The following PRTFDC1 variants were observed in gnomAD, a reference collection of about 807,000 sequenced individuals.
The protein encoded by PRTFDC1 is phosphoribosyl transferase domain containing 1, also known as phosphoribosyltransferase domain-containing protein 1.
A neutral mutation model predicts 34.6 loss-of-function variants in PRTFDC1; 38 were observed. That is an observed-to-expected ratio of 1.10 (90% CI 0.85 to 1.44). The LOEUF (loss-of-function observed/expected upper bound fraction) is 1.44. PRTFDC1 is among the 40% of genes most tolerant of loss of function. PRTFDC1 has a pLI of 0.00. For synonymous variants in PRTFDC1, 93 were observed against 98.1 expected, an observed-to-expected ratio of 0.95 and a Z score of 0.31; for missense variants, 270 against 283.0, an observed-to-expected ratio of 0.95 and a Z score of 0.33.
At chr10:24,942,536 T>C in intron 1 of PRTFDC1, 100 bp from the exon 2 acceptor site, 10 of 984,702 alleles carry the variant, frequency 1.0e-5, no homozygotes, top group Non-Finnish European at 1.6e-5. Flanking sequence ...CCTCAACTTA[T>C]GAAAAGTTTA....
chr10:24,937,473 T>C, intron 2 of PRTFDC1, 106 bp from the exon 3 acceptor site: 2 of 1,050,504 alleles, frequency 1.9e-6, no homozygotes, highest in Non-Finnish European at 2.6e-6. Flanking sequence ...CTCAGAGGAA[T>C]GTGGGGAAAA....
chr10:24,942,329 C>A lies in PRTFDC1; in HGVS notation c.155+1G>T. 6.2e-7 allele frequency: 1 copy of A among 1,605,268 alleles called. No homozygotes were observed. On this transcript the variant is annotated splice_donor_variant, in intron 2 of 8. Coordinates refer to ENST00000320152, the MANE Select transcript of PRTFDC1 (RefSeq NM_020200.7). LOFTEE classifies it high-confidence loss of function. ...AGATTGACACAGGAAATCACACTCA[C>A]CTGTCCACAATGATACCATGAGGGA... is the stretch of plus-strand genomic sequence containing the variant.
chr10:24,893,039 A>G (rs16925138), intron 3 of PRTFDC1, among the ~76,000 whole-genome samples: 12,154 of 152,248 alleles, frequency 0.08, 540 homozygotes, highest in Middle Eastern at 0.2. Flanking sequence ...CTCATACAGT[A>G]TCAGTCTTTG....
At chr10:24,943,172 G>T (rs1401615028) in intron 1 of PRTFDC1, among the ~76,000 whole-genome samples, 1 of 141,384 alleles carries the variant, frequency 7.1e-6, no homozygotes, top group Non-Finnish European at 1.6e-5. Flanking sequence ...CATTGTAAGT[G>T]CCTCATCTGC....
chr10:24,936,682 T>C (rs1385169208), intron 3 of PRTFDC1, among the ~76,000 whole-genome samples: 5 of 152,200 alleles, frequency 3.3e-5, no homozygotes, highest in African/African-American at 1.2e-4. Context: ...GGCCTTCTGC[T>C]GGAGCTCCCT....
chr10:24,924,634 A>AC (rs1223666387), intron 3 of PRTFDC1, among the ~76,000 whole-genome samples: 1 of 152,162 alleles, frequency 6.6e-6, no homozygotes, highest in Non-Finnish European at 1.5e-5. Context: ...AGAAAAAACA[A>AC]CCCCATCAAA....
chr10:24,928,460 T>C (rs1019131417), intron 3 of PRTFDC1, among the ~76,000 whole-genome samples: 14 of 152,134 alleles, frequency 9.2e-5, no homozygotes, highest in Non-Finnish European at 1.6e-4. Context: ...TTTTTTTCTC[T>C]TAAGACAGAG....
rs1282966225 is a variant in PRTFDC1 at position 24,880,933 on chromosome 10, CCTTT to C, written c.340-8874_340-8871del. ...CTTTCTTTCTTCCCTCTTTCTTTCC[CCTTT>C]CTTTCTTTCCTTCCTTCTTCTTTCT... is the stretch of plus-strand genomic sequence containing the variant. On this transcript the variant is annotated intron_variant, in intron 3 of 8. Transcript: ENST00000320152. Among the ~76,000 whole-genome samples, 14 of 144,908 alleles carry C rather than the reference CCTTT, an allele frequency of 9.7e-5. 1 individual carries two copies. Among genetic ancestry groups the C allele is most frequent in the South Asian group, 4.5e-4 (2 of 4,442 alleles).
intron 3 of PRTFDC1, among the ~76,000 whole-genome samples, chr10:24,926,325 A>G (rs1287738485): frequency 1.3e-5 from 2 of 152,196 alleles, no homozygotes; most frequent in Non-Finnish European, 2.9e-5. Context: ...ACCAACATAC[A>G]CAAGTGGGCT....
chr10:24,850,026 G>T, intron 8 of PRTFDC1, 135 bp from the exon 9 acceptor site: 1 of 814,666 alleles, frequency 1.2e-6, no homozygotes, highest in Non-Finnish European at 2.0e-6. Context: ...GTATTTATAT[G>T]TGTGGGTAAA....
chr10:24,850,440 T>C (rs1051170497), intron 8 of PRTFDC1, among the ~76,000 whole-genome samples: 1 of 152,074 alleles, frequency 6.6e-6, no homozygotes, highest in Non-Finnish European at 1.5e-5. Context: ...AAGACCAGCC[T>C]GGACAGCATA....
At chr10:24,894,888 A>T (rs1453646752) in intron 3 of PRTFDC1, among the ~76,000 whole-genome samples, 3 of 152,158 alleles carry the variant, frequency 2.0e-5, no homozygotes, top group Non-Finnish European at 4.4e-5. Flanking sequence ...GGCATCAGGA[A>T]GTAGTGGCGA....
intron 8 of PRTFDC1, among the ~76,000 whole-genome samples, chr10:24,850,781 TG>T (rs1847472529): frequency 6.6e-6 from 1 of 152,126 alleles, no homozygotes; most frequent in African/African-American, 2.4e-5. Flanking sequence ...GGATACTCTC[TG>T]GGGGCACTGC....
At chr10:24,924,349 T>C (rs189217538) in intron 3 of PRTFDC1, among the ~76,000 whole-genome samples, 115 of 152,140 alleles carry the variant, frequency 7.6e-4, no homozygotes, top group African/African-American at 2.7e-3. Context: ...GACACATAAT[T>C]GTCAGATTCA....
At chr10:24,860,474 C>G (rs1847661634) in intron 4 of PRTFDC1, among the ~76,000 whole-genome samples, 1 of 152,148 alleles carries the variant, frequency 6.6e-6, no homozygotes, top group Admixed American at 6.5e-5. Flanking sequence ...GTTAACCACC[C>G]AACCACCAAA....
intron 1 of PRTFDC1, chr10:24,951,643 C>A (rs1849347154): frequency 6.1e-6 from 6 of 980,040 alleles, no homozygotes; most frequent in African/African-American, 1.7e-5. Context: ...CACCCACCAT[C>A]CTCACCACCA....
At chr10:24,942,250 C>T (rs1849171945) in intron 2 of PRTFDC1, 80 bp downstream of exon 2, 1 of 1,174,216 alleles carries the variant, frequency 8.5e-7, no homozygotes, top group Non-Finnish European at 1.3e-6. Flanking sequence ...GGAATAGGGT[C>T]CTAAAGTATA....
At chr10:24,911,195 A>G (rs1446751904) in intron 3 of PRTFDC1, among the ~76,000 whole-genome samples, 2 of 152,190 alleles carry the variant, frequency 1.3e-5, no homozygotes. Context: ...GAATAATTCC[A>G]TCACCCCCAA....
At chr10:24,887,040 G>A (rs12240302) in intron 3 of PRTFDC1, among the ~76,000 whole-genome samples, 10,091 of 134,228 alleles carry the variant, frequency 0.075, 755 homozygotes, top group African/African-American at 0.19. Context: ...GCGCAATCTC[G>A]GCTCACTGCA....
Sources: gnomAD v4.1 joint callset for allele counts (sites outside exome capture counted in the v4.1 genomes callset) on GRCh38, gnomAD v4.1.1 for gene constraint, MANE v1.5 for transcripts, NCBI Gene and HGNC (gene_info 2026-07-23, HGNC 2026-07-21) for gene names.